ABCA13: variants seen among roughly 807,000 people sequenced by gnomAD.
ABCA13 encodes ATP binding cassette subfamily A member 13, also known as ATP-binding cassette sub-family A member 13.
In ABCA13, 476 loss-of-function variants were observed where a neutral mutation model predicts 478.7. That is an observed-to-expected ratio of 0.99 (90% CI 0.92 to 1.07). The LOEUF (loss-of-function observed/expected upper bound fraction) is 1.07. Ranked by LOEUF, ABCA13 falls within the 50% of genes least tolerant of loss-of-function variation. The pLI is 0.00. For synonymous variants in ABCA13, 2,252 were observed against 2,158.9 expected (o/e 1.04, Z -1.20); for missense variants, 6,060 against 5,910.6 (o/e 1.03, Z -0.83).
chr7:48,328,826 A>C (rs1268905493), intron 27 of ABCA13, among the ~76,000 whole-genome samples: 1 of 152,196 alleles, frequency 6.6e-6, no homozygotes, highest in African/African-American at 2.4e-5. Flanking sequence ...CCAAAATGAG[A>C]TATCCACAAA....
At chr7:48,592,211 A>C (rs1372204336) in intron 57 of ABCA13, among the ~76,000 whole-genome samples, 1 of 151,316 alleles carries the variant, frequency 6.6e-6, no homozygotes, top group Non-Finnish European at 1.5e-5. Context: ...TTTTTTCTTA[A>C]TGTTGATGAC....
intron 59 of ABCA13, among the ~76,000 whole-genome samples, chr7:48,621,392 C>A (rs754603991): frequency 1.8e-4 from 28 of 152,018 alleles, no homozygotes; most frequent in Non-Finnish European, 3.7e-4. Context: ...CCTACTTTTG[C>A]GATATGCTCA....
chr7:48,381,094 C>T (rs1332957689), intron 35 of ABCA13, among the ~76,000 whole-genome samples: 1 of 152,190 alleles, frequency 6.6e-6, no homozygotes, highest in Non-Finnish European at 1.5e-5. Context: ...CTCCCTACTT[C>T]CCCTGTCTCC....
intron 47 of ABCA13, 62 bp from the exon 48 acceptor site, chr7:48,489,174 G>C (rs1179526028): frequency 5.1e-6 from 7 of 1,372,086 alleles, no homozygotes; most frequent in Non-Finnish European, 7.1e-6. Context: ...TCCCAGAATA[G>C]TTGACAAACA....
intron 55 of ABCA13, among the ~76,000 whole-genome samples, chr7:48,538,167 C>T (rs940218378): frequency 2.9e-5 from 4 of 136,572 alleles, no homozygotes; most frequent in African/African-American, 1.1e-4. Flanking sequence ...GTGGTGCGAT[C>T]TCAGCTCACT....
rs749712529 is a variant in ABCA13, at chr7:48,240,964, G to A, written c.1160G>A (p.Ser387Asn). The A allele has an allele frequency of 1.2e-6, 2 of 1,613,674 alleles. No homozygotes were observed. The highest frequency in any genetic ancestry group is 1.7e-6 in the Non-Finnish European group (2 of 1,179,730). The change falls in exon 10 of 62, where the codon AGC becomes AAC. Residue 387 changes from serine to asparagine, a missense_variant. Coordinates refer to ENST00000435803, the MANE Select transcript of ABCA13 (RefSeq NM_152701.5). ...EALRNQFEEE[S>N]KPWKVVEALH... Reference sequence around the variant, plus strand: ...CTCAGGAATCAGTTTGAAGAAGAGAGCAAGCCCTGGAAGGTGGTGGAAGCT... The same window carrying A: ...CTCAGGAATCAGTTTGAAGAAGAGAACAAGCCCTGGAAGGTGGTGGAAGCT...
At chr7:48,245,655 A>G in intron 12 of ABCA13, 43 bp downstream of exon 12, 2 of 1,569,018 alleles carry the variant, frequency 1.3e-6, no homozygotes, top group South Asian at 1.2e-5. Context: ...TTTTAATAAA[A>G]CATTCAAGAA....
At chr7:48,519,829 A>G (rs781268254) in intron 52 of ABCA13, among the ~76,000 whole-genome samples, 7 of 152,206 alleles carry the variant, frequency 4.6e-5, no homozygotes, top group Admixed American at 1.3e-4. Flanking sequence ...CTCAAGCAAG[A>G]AAACCTTGAA....
intron 39 of ABCA13, among the ~76,000 whole-genome samples, chr7:48,406,458 G>A (rs767581500): frequency 1.1e-4 from 16 of 152,176 alleles, no homozygotes; most frequent in Admixed American, 7.9e-4. Context: ...TCAATGACAG[G>A]TTATCATTAT....
At chr7:48,340,129 A>G (rs73323756) in intron 29 of ABCA13, among the ~76,000 whole-genome samples, 6,955 of 151,990 alleles carry the variant, frequency 0.046, 531 homozygotes, top group African/African-American at 0.16. Flanking sequence ...TTTTTAGACA[A>G]GAGTTTTGCT....
chr7:48,229,901 A>C lies in ABCA13; in HGVS notation c.709A>C (p.Asn237His). The C allele has an allele frequency of 6.2e-7, 1 of 1,614,010 alleles. No homozygotes were observed. The highest frequency in any genetic ancestry group is 8.5e-7 in the Non-Finnish European group (1 of 1,179,896). ...TTCCCAGGTTTCTGAACTTGTACTG[A>C]ATGTGACCATTTCGACACTGACATT... The part of the protein sequence containing the change: ...TFSQVSELVL[N>H]VTISTLTFLQ... Residue 237 changes from asparagine (N) to histidine (H), a missense_variant, in exon 7 of 62, where the codon AAT becomes CAT. By Grantham distance (68) the Asn-to-His change is moderately conservative. This residue lies in a region of ABCA13 where 4,423 missense variants were observed against 4,309.1 expected (regional missense o/e 1.03). Coordinates refer to ENST00000435803, the MANE Select transcript of ABCA13 (RefSeq NM_152701.5).
chr7:48,514,742 T>C (rs1046793301), intron 51 of ABCA13, among the ~76,000 whole-genome samples: 1 of 152,134 alleles, frequency 6.6e-6, no homozygotes, highest in Non-Finnish European at 1.5e-5. Flanking sequence ...ATTCTCTCTG[T>C]GGTAGTTTAT....
chr7:48,273,310 A>G lies in ABCA13; in HGVS notation c.3644A>G (p.Asn1215Ser). Residue 1215 changes from asparagine to serine, a missense_variant, in exon 17 of 62, where the codon AAT (asparagine) becomes AGT (serine). Asn to Ser is a conservative substitution (Grantham distance 46). Transcript: ENST00000435803. ...VARLILNLFK[N>S]VTQANDFHNW... ...AGACTCATATTAAATTTGTTTAAAA[A>G]TGTAACTCAAGCCAATGACTTCCAT... 2 of 1,613,624 alleles carry G rather than the reference A, an allele frequency of 1.2e-6. No individual in the cohort carries two copies. The highest frequency in any genetic ancestry group is 8.5e-7 in the Non-Finnish European group (1 of 1,179,740).
chr7:48,267,798 T>C (rs956672318), intron 15 of ABCA13, among the ~76,000 whole-genome samples: 13 of 152,220 alleles, frequency 8.5e-5, no homozygotes, highest in Non-Finnish European at 1.8e-4. Context: ...TTTTCTCTTC[T>C]TTATGGGTCA....
At chr7:48,518,071 A>T (rs1156567411) in intron 52 of ABCA13, among the ~76,000 whole-genome samples, 1 of 152,224 alleles carries the variant, frequency 6.6e-6, no homozygotes, top group African/African-American at 2.4e-5. Context: ...GCATTCAGTG[A>T]TGGTAATAAT....
chr7:48,242,835 C>A (rs1291383613), intron 10 of ABCA13, among the ~76,000 whole-genome samples: 1 of 152,194 alleles, frequency 6.6e-6, no homozygotes, highest in Non-Finnish European at 1.5e-5. Flanking sequence ...GAAACCCCAT[C>A]CCTTTTTCAC....
At chr7:48,458,715 C>T (rs1825935159) in intron 43 of ABCA13, among the ~76,000 whole-genome samples, 1 of 152,038 alleles carries the variant, frequency 6.6e-6, no homozygotes, top group Non-Finnish European at 1.5e-5. Context: ...TACCTGAATC[C>T]TTCTACAAAT....
At chr7:48,372,051 T>G (rs1812709991) in intron 32 of ABCA13, 117 bp from the exon 33 acceptor site, 2 of 1,066,158 alleles carry the variant, frequency 1.9e-6, no homozygotes, top group Non-Finnish European at 2.7e-6. Flanking sequence ...CAGGGCTGAA[T>G]TTGCAAGCAA....
At chr7:48,599,030 A>T (rs1790592914) in intron 58 of ABCA13, among the ~76,000 whole-genome samples, 1 of 151,878 alleles carries the variant, frequency 6.6e-6, no homozygotes, top group Admixed American at 6.6e-5. Flanking sequence ...TTATCCATTG[A>T]TATGTATGCT....
Sources: gnomAD v4.1 joint callset for allele counts (sites outside exome capture counted in the v4.1 genomes callset) on GRCh38, gnomAD v4.1.1 for gene constraint, gnomAD v4.1.1 regional missense constraint, MANE v1.5 for transcripts, NCBI Gene and HGNC (gene_info 2026-07-23, HGNC 2026-07-21) for gene names.